Variants in DARS1 observed in about 807,000 individuals in gnomAD.
The protein encoded by DARS1 is aspartyl-tRNA synthetase 1, also known as aspartate--tRNA ligase, cytoplasmic.
A neutral mutation model predicts 68.8 loss-of-function variants in DARS1; 51 were observed. That is an observed-to-expected ratio of 0.74 (90% CI 0.59 to 0.94). The LOEUF (loss-of-function observed/expected upper bound fraction) is 0.94, where lower values mean the gene tolerates loss of function less well. Ranked by LOEUF, DARS1 falls within the 40% of genes least tolerant of loss-of-function variation. DARS1 has a pLI of 0.00. For missense variants in DARS1, 607 were observed against 597.3 expected (o/e 1.02, Z -0.17); for synonymous variants, 203 against 190.4 (o/e 1.07, Z -0.55).
rs1680778622 is a variant in DARS1, at chr2:135,906,314, T to C, written c.*1002A>G. On this transcript the variant is annotated 3_prime_UTR_variant, in exon 16 of 16. Coordinates refer to ENST00000264161, the MANE Select transcript of DARS1 (RefSeq NM_001349.4). ...GTAAAATTAACATTAGCATCAACAT[T>C]TGTAATAATCTAGAGGGAAAGTGTT... 6.8e-6 allele frequency among the ~76,000 whole-genome samples: 1 copy of C among 146,950 alleles called. No individual in the cohort carries two copies. Among genetic ancestry groups the C allele is most frequent in the East Asian group, 2.0e-4 (1 of 5,000 alleles).
chr2:135,980,738 GCAATGGCTAAC>G (rs1164367467), intron 2 of DARS1, among the ~76,000 whole-genome samples: 1 of 152,152 alleles, frequency 6.6e-6, no homozygotes, highest in East Asian at 1.9e-4. Context: ...GACTGAAAAA[GCAATGGCTAAC>G]CAAGCAATCA....
intron 3 of DARS1, among the ~76,000 whole-genome samples, chr2:135,970,902 A>T (rs1421323609): frequency 1.3e-5 from 2 of 152,210 alleles, no homozygotes; most frequent in East Asian, 3.8e-4. Flanking sequence ...AACCATGAAG[A>T]AATCCAAAAT....
chr2:135,953,188 C>T (rs1681881495), intron 4 of DARS1, among the ~76,000 whole-genome samples: 1 of 145,432 alleles, frequency 6.9e-6, no homozygotes, highest in Non-Finnish European at 1.5e-5. Context: ...TAAAAGGACA[C>T]CCATACCTAA....
chr2:135,984,133 A>C (rs1172700825), intron 1 of DARS1, among the ~76,000 whole-genome samples: 1 of 152,232 alleles, frequency 6.6e-6, no homozygotes, highest in East Asian at 1.9e-4. Flanking sequence ...ATCTGTTAAC[A>C]AAATATACTT....
At chr2:135,945,203 T>C (rs186303657) in intron 4 of DARS1, among the ~76,000 whole-genome samples, 9 of 152,128 alleles carry the variant, frequency 5.9e-5, no homozygotes, top group East Asian at 5.8e-4. Flanking sequence ...TCTTGACTCA[T>C]TGCAACCTCC....
chr2:135,909,452 A>C (rs577031272), intron 15 of DARS1, among the ~76,000 whole-genome samples: 1 of 152,212 alleles, frequency 6.6e-6, no homozygotes. Flanking sequence ...GCTAATTAAC[A>C]TATCTATCAT....
intron 3 of DARS1, among the ~76,000 whole-genome samples, chr2:135,975,173 T>A (rs562510136): frequency 6.6e-6 from 1 of 151,870 alleles, no homozygotes; most frequent in African/African-American, 2.4e-5. Context: ...TGAAACCCCG[T>A]CTCTACTAAA....
At position 135,912,510 on chromosome 2, in the gene DARS1, A is replaced by G; in HGVS notation, c.1206T>C (p.Tyr402=). Residue 402 remains tyrosine, a synonymous_variant, in exon 13 of 16, where the codon TAT becomes TAC. Coordinates refer to ENST00000264161, the MANE Select transcript of DARS1 (RefSeq NM_001349.4). ...CGGGATTTCTTGGGTCAGGCATGGTATAGAAAGGTCTTACAGCCAATGGAT... is the reference window on the plus strand; with the variant it reads ...CGGGATTTCTTGGGTCAGGCATGGTGTAGAAAGGTCTTACAGCCAATGGAT... The part of the protein sequence containing the change: ...DKYPLAVRPF[Y]TMPDPRNPKQ... 1 of 1,128,328 alleles carries G rather than the reference A, an allele frequency of 8.9e-7. No individual in the cohort carries two copies. Among genetic ancestry groups the G allele is most frequent in the Non-Finnish European group, 1.3e-6 (1 of 750,702 alleles). 69.9% of individuals were successfully genotyped at this position (1,128,328 alleles called of 1,614,324 possible).
chr2:135,969,685 G>A (rs1242071770), intron 3 of DARS1, among the ~76,000 whole-genome samples: 1 of 151,060 alleles, frequency 6.6e-6, no homozygotes, highest in Non-Finnish European at 1.5e-5. Context: ...ATGGTTCAAT[G>A]TTATAAAATA....
chr2:135,948,927 C>T (rs1575397644), intron 4 of DARS1, among the ~76,000 whole-genome samples: 1 of 149,448 alleles, frequency 6.7e-6, no homozygotes, highest in Admixed American at 6.6e-5. Context: ...AACCTACCAA[C>T]TAGTAAAACA....
chr2:135,909,452 A>G (rs577031272), intron 15 of DARS1, among the ~76,000 whole-genome samples: 10 of 152,330 alleles, frequency 6.6e-5, no homozygotes, highest in Admixed American at 5.9e-4. Flanking sequence ...GCTAATTAAC[A>G]TATCTATCAT....
Position 135,908,292 on chromosome 2 carries a change from T to C in DARS1, c.1415-885A>G, listed in dbSNP as rs550937258. Among the ~76,000 whole-genome samples the C allele has an allele frequency of 2.0e-5, 3 of 152,282 alleles. No homozygotes were observed. The East Asian group carries it at 5.8e-4, about 29-fold the overall frequency. ...CCTCCTCCAATTTAAAAAACAGCGT[T>C]AAAATACATAAAAAATCTACCATCT... On this transcript the variant is annotated intron_variant, in intron 15 of 15. Transcript: ENST00000264161.
At chr2:135,955,143 C>CA (rs76946722) in intron 4 of DARS1, among the ~76,000 whole-genome samples, 2,306 of 109,544 alleles carry the variant, frequency 0.021, 17 homozygotes, top group South Asian at 0.029. Context: ...TTACCACCAC[C>CA]AAAAAAAAAA....
At chr2:135,938,536 G>A (rs1198763386) in intron 5 of DARS1, among the ~76,000 whole-genome samples, 2 of 152,120 alleles carry the variant, frequency 1.3e-5, no homozygotes, top group Non-Finnish European at 2.9e-5. Context: ...CGTTGCTGGC[G>A]AGGAGCTGCG....
At chr2:135,924,206 C>T (rs1681165481) in intron 8 of DARS1, among the ~76,000 whole-genome samples, 181 bp downstream of exon 8, 1 of 152,098 alleles carries the variant, frequency 6.6e-6, no homozygotes, top group African/African-American at 2.4e-5. Context: ...AGAAAATGTA[C>T]TTATTAAGGT....
chr2:135,961,369 G>C (rs757998579), intron 4 of DARS1, 27 bp downstream of exon 4: 1 of 990,088 alleles, frequency 1.0e-6, no homozygotes, highest in South Asian at 1.3e-5. Context: ...TGTTTATTCT[G>C]ACAACAGGAT....
chr2:135,906,421 C>T lies in DARS1; in HGVS notation c.*895G>A, dbSNP rs935051924. On this transcript the variant is annotated 3_prime_UTR_variant, in exon 16 of 16. Transcript: ENST00000264161. ...TACTGACATTCACTAAGTATCAGTA[C>T]CATTCCAGTTAAAAATCAAACAAAA... Among the ~76,000 whole-genome samples, 1 of 152,096 alleles carries T rather than the reference C, an allele frequency of 6.6e-6. No individual in the cohort carries two copies. The highest frequency in any genetic ancestry group is 2.4e-5 in the African/African-American group (1 of 41,404).
At chr2:135,942,601 T>C (rs897446064) in intron 5 of DARS1, among the ~76,000 whole-genome samples, 3 of 152,080 alleles carry the variant, frequency 2.0e-5, no homozygotes, top group Non-Finnish European at 4.4e-5. Flanking sequence ...CATGTATACA[T>C]ATGTAGCAAA....
intron 4 of DARS1, among the ~76,000 whole-genome samples, chr2:135,955,218 T>C (rs551959510): frequency 1.3e-5 from 2 of 151,778 alleles, no homozygotes; most frequent in African/African-American, 4.8e-5. Flanking sequence ...CGTATTTATA[T>C]ATCCTTATAT....
Sources: allele counts gnomAD v4.1 joint callset (sites outside exome capture counted in the v4.1 genomes callset), GRCh38; gene constraint gnomAD v4.1.1; transcripts MANE v1.5; gene names NCBI Gene and HGNC (gene_info 2026-07-23, HGNC 2026-07-21).